RBP3: variants seen among roughly 807,000 people sequenced by gnomAD.
The protein encoded by RBP3 is retinol binding protein 3.
A neutral mutation model predicts 64.8 loss-of-function variants in RBP3; 50 were observed. That is an observed-to-expected ratio of 0.77 (90% CI 0.61 to 0.98). The LOEUF is 0.98. RBP3 is among the 50% of genes least tolerant of loss of function. The probability of loss-of-function intolerance (pLI) is 0.00; values close to 1 mark genes in which losing one functional copy is unlikely to be tolerated. For missense variants in RBP3, 1,712 were observed against 1,660.5 expected, an observed-to-expected ratio of 1.03 and a Z score of -0.54; for synonymous variants, 828 against 730.2, an observed-to-expected ratio of 1.13 and a Z score of -2.16.
At chr10:47,351,960 T>C (rs1477562973) in intron 1 of RBP3, among the ~76,000 whole-genome samples, 1 of 152,140 alleles carries the variant, frequency 6.6e-6, no homozygotes, top group Non-Finnish European at 1.5e-5. Flanking sequence ...GGCCAACACC[T>C]GTCAGAGGTG....
rs570384646 is a variant in RBP3 at position 47,349,448 on chromosome 10, C to G, written c.964C>G (p.Leu322Val). ...GGAGAAAGCCCTGGCCATCCTCACT[C>G]TGCGCAGCGCCCTTCCAGGGGTAGT... The part of the protein sequence containing the change: ...ALEKALAILT[L>V]RSALPGVVHC... Residue 322 changes from leucine to valine, a missense_variant, in exon 1 of 4, where the codon CTG becomes GTG. Physicochemically the swap from Leu to Val is conservative, Grantham distance 32 (BLOSUM62 1). Coordinates refer to ENST00000584701, the MANE Select transcript of RBP3 (RefSeq NM_002900.3). The G allele has an allele frequency of 2.5e-6, 4 of 1,612,372 alleles. No individual in the cohort carries two copies. Among genetic ancestry groups the G allele is most frequent in the Admixed American group, 1.7e-5 (1 of 60,002 alleles).
In RBP3 at chr10:47,355,657, G is replaced by A. The variant is rs1555211936; in HGVS notation, c.3388+139G>A. ...CCTAGTCCAGGCACTAGATGTGCAT[G>A]ATCTCGAATCCCTGAAAAGCATGTA... On this transcript the variant is annotated intron_variant, in intron 3 of 3. Coordinates refer to ENST00000584701, the MANE Select transcript of RBP3 (RefSeq NM_002900.3). The A allele has an allele frequency of 3.7e-6, 4 of 1,089,742 alleles. No homozygotes were observed. The Admixed American group carries it at 6.0e-5, about 16-fold the overall frequency. The allele number at this position is 1,089,742 out of a possible 1,614,324, so 67.5% of individuals were successfully genotyped here. A position where few individuals can be genotyped will look rare whatever the true frequency, so the allele number is the denominator to read the frequency against.
In RBP3 at chr10:47,357,580, GT is replaced by G; in HGVS notation, c.*125del. 1.3e-6 allele frequency: 1 copy of G among 750,558 alleles called. No individual in the cohort carries two copies. Among genetic ancestry groups the G allele is most frequent in the Non-Finnish European group, 2.2e-6 (1 of 452,572 alleles). 46.5% of individuals were successfully genotyped at this position (750,558 alleles called of 1,614,324 possible). ...CAGCAAAGGGGCCTGCTGAGCTCTG[GT>G]TAGGTTACAGCTGGAGGTGTGTATA... On this transcript the variant is annotated 3_prime_UTR_variant, in exon 4 of 4. Transcript: ENST00000584701.
At chr10:47,354,779 T>C (rs1040611242) in intron 2 of RBP3, among the ~76,000 whole-genome samples, 1 of 152,108 alleles carries the variant, frequency 6.6e-6, no homozygotes, top group Non-Finnish European at 1.5e-5. Context: ...CGAGGCTCCT[T>C]AACACATCAC....
Position 47,351,194 on chromosome 10 carries a change from G to A in RBP3, c.2710G>A (p.Gly904Ser), listed in dbSNP as rs1555211531. 4 of 1,613,288 alleles carry A rather than the reference G, an allele frequency of 2.5e-6. No homozygotes were observed. The highest frequency in any genetic ancestry group is 2.5e-6 in the Non-Finnish European group (3 of 1,180,028). Residue 904 changes from glycine to serine, a missense_variant, in exon 1 of 4, where the codon GGC becomes AGC. By Grantham distance (56) the Gly-to-Ser change is moderately conservative. Coordinates refer to ENST00000584701, the MANE Select transcript of RBP3 (RefSeq NM_002900.3). ...CCAGATGGCCATGAGTGCCACCACA[G>A]GCAAGGCCTGGGACCTGGCTGGTGT... ...PTQMAMSATT[G>S]KAWDLAGVEP...
chr10:47,354,051 A>T (rs1837016684), intron 2 of RBP3, among the ~76,000 whole-genome samples: 1 of 152,220 alleles, frequency 6.6e-6, no homozygotes, highest in African/African-American at 2.4e-5. Context: ...ACACAGGGAA[A>T]ATTTAGAAGT....
In RBP3 at chr10:47,350,293, C is replaced by G; in HGVS notation, c.1809C>G (p.Gly603=). The part of the protein sequence containing the change: ...VPVLTFIDNH[G]EAWLGGGVVP... ...TCCTCACCTTCATCGACAATCACGGCGAGGCCTGGCTGGGTGGTGGAGTGG... is the reference window on the plus strand; with the variant it reads ...TCCTCACCTTCATCGACAATCACGGGGAGGCCTGGCTGGGTGGTGGAGTGG... The change falls in exon 1 of 4, where the codon GGC becomes GGG. Residue 603 remains glycine, a synonymous_variant. Transcript: ENST00000584701. 13 of 1,609,234 alleles carry G rather than the reference C, an allele frequency of 8.1e-6. No homozygotes were observed. The highest frequency in any genetic ancestry group is 1.1e-5 in the Non-Finnish European group (13 of 1,179,910).
rs1190641007 is a variant in RBP3 at position 47,351,032 on chromosome 10, T to C, written c.2548T>C (p.Ser850Pro). 1 of 1,610,818 alleles carries C rather than the reference T, an allele frequency of 6.2e-7. No individual in the cohort carries two copies. Among genetic ancestry groups the C allele is most frequent in the Non-Finnish European group, 8.5e-7 (1 of 1,179,860 alleles). Residue 850 changes from serine to proline, a missense_variant, in exon 1 of 4, where the codon TCT becomes CCT. By Grantham distance (74) the Ser-to-Pro change is moderately conservative. Coordinates refer to ENST00000584701, the MANE Select transcript of RBP3 (RefSeq NM_002900.3). Reference protein sequence around the residue: ...LYILMSHTSGSAAEAFAHTMQ... With the variant: ...LYILMSHTSGPAAEAFAHTMQ... ...CATCCTGATGAGCCACACCAGTGGC[T>C]CTGCGGCCGAGGCCTTTGCACACAC...
chr10:47,349,734 A>C lies in RBP3; in HGVS notation c.1250A>C (p.Glu417Ala). Residue 417 changes from glutamate to alanine, a missense_variant, in exon 1 of 4, where the codon GAG becomes GCG. Transcript: ENST00000584701. ...DSPGVAPELP[E>A]DEAIRQALVD... The stretch of plus-strand genomic sequence containing the variant: ...CCAGGGGTGGCCCCAGAGTTGCCTG[A>C]GGACGAGGCTATCCGGCAAGCACTG... 6.2e-7 allele frequency: 1 copy of C among 1,612,506 alleles called. No homozygotes were observed. Among genetic ancestry groups the C allele is most frequent in the Non-Finnish European group, 8.5e-7 (1 of 1,180,014 alleles).
rs782148712 is a variant in RBP3 at position 47,353,316 on chromosome 10, C to A, written c.3055-9C>A. On this transcript the variant is annotated splice_polypyrimidine_tract_variant and intron_variant, in intron 1 of 3. Coordinates refer to ENST00000584701, the MANE Select transcript of RBP3 (RefSeq NM_002900.3). Reference sequence around the variant, plus strand: ...TCCTGACACTGAGTAGGACCTCCAACTCTTACAGATCCCTTCCCCTGAAGT... The same window carrying A: ...TCCTGACACTGAGTAGGACCTCCAAATCTTACAGATCCCTTCCCCTGAAGT... 2 of 1,613,902 alleles carry A rather than the reference C, an allele frequency of 1.2e-6. No individual in the cohort carries two copies. The highest frequency in any genetic ancestry group is 4.5e-5 in the East Asian group (2 of 44,876).
rs1555210949 is a variant in RBP3 at position 47,349,031 on chromosome 10, A to T, written c.547A>T (p.Ile183Phe). The T allele has an allele frequency of 6.2e-7, 1 of 1,613,942 alleles. No homozygotes were observed. Among genetic ancestry groups the T allele is most frequent in the South Asian group, 1.1e-5 (1 of 91,080 alleles). The stretch of plus-strand genomic sequence containing the variant: ...AGGCCAGGTCTCTGGCATTCCCTAC[A>T]TCATCTCCTACCTGCACCCAGGGAA... ...TGGQVSGIPYIISYLHPGNTI... is the reference protein window; with the variant it reads ...TGGQVSGIPYFISYLHPGNTI... The change falls in exon 1 of 4, where the codon ATC (isoleucine) becomes TTC (phenylalanine). Residue 183 changes from isoleucine to phenylalanine, a missense_variant. Ile to Phe is a conservative substitution (Grantham distance 21). Transcript: ENST00000584701.
chr10:47,350,167 G>A lies in RBP3; in HGVS notation c.1683G>A (p.Trp561Ter). 3.1e-6 allele frequency: 5 copies of A among 1,612,360 alleles called. No homozygotes were observed. Among genetic ancestry groups the A allele is most frequent in the Non-Finnish European group, 4.2e-6 (5 of 1,179,998 alleles). ...CCTTCCTTATGCAGTCGCTGGGCTGGGCCACACTGGTAGGTGAGATCACCG... is the reference window on the plus strand; with the variant it reads ...CCTTCCTTATGCAGTCGCTGGGCTGAGCCACACTGGTAGGTGAGATCACCG... ...EFAFLMQSLG[W>*]ATLVGEITAG... The change falls in exon 1 of 4, where the codon TGG becomes TGA. Residue 561 changes from tryptophan to a stop codon, truncating the protein, a stop_gained. Transcript: ENST00000584701. LOFTEE classifies it high-confidence loss of function.
chr10:47,348,426 G>A lies in RBP3; in HGVS notation c.-59G>A, dbSNP rs1482551584. On this transcript the variant is annotated 5_prime_UTR_variant, in exon 1 of 4. Coordinates refer to ENST00000584701, the MANE Select transcript of RBP3 (RefSeq NM_002900.3). Reference sequence around the variant, plus strand: ...AGGCAGCTGCACAGAGCAGGGCCACGGCCTTGCACACAGTCCAGGGAGCTT... The same window carrying A: ...AGGCAGCTGCACAGAGCAGGGCCACAGCCTTGCACACAGTCCAGGGAGCTT... 3 of 1,572,006 alleles carry A rather than the reference G, an allele frequency of 1.9e-6. No homozygotes were observed. The highest frequency in any genetic ancestry group is 2.3e-5 in the South Asian group (2 of 87,960).
rs1051660041 is a variant in RBP3 at position 47,352,004 on chromosome 10, C to T, written c.3054+466C>T. On this transcript the variant is annotated intron_variant, in intron 1 of 3. Coordinates refer to ENST00000584701, the MANE Select transcript of RBP3 (RefSeq NM_002900.3). ...ACTTCACCAAGTGCCCCACGCTGGCCGAGAGCTCCACCTAGGCAGCACTCA... is the reference window on the plus strand; with the variant it reads ...ACTTCACCAAGTGCCCCACGCTGGCTGAGAGCTCCACCTAGGCAGCACTCA... Among the ~76,000 whole-genome samples, 39 of 152,166 alleles carry T rather than the reference C, an allele frequency of 2.6e-4. 1 individual carries two copies. Among genetic ancestry groups the T allele is most frequent in the African/African-American group, 2.4e-5 (1 of 41,436 alleles).
Position 47,350,161 on chromosome 10 carries a change from G to T in RBP3, c.1677G>T (p.Leu559=), listed in dbSNP as rs916823294. The change falls in exon 1 of 4, where the codon CTG becomes CTT. Residue 559 remains leucine, a synonymous_variant. Coordinates refer to ENST00000584701, the MANE Select transcript of RBP3 (RefSeq NM_002900.3). ...AGTTCGCCTTCCTTATGCAGTCGCT[G>T]GGCTGGGCCACACTGGTAGGTGAGA... ...AEEFAFLMQS[L]GWATLVGEIT... is the part of the protein sequence containing the mutation. 2.5e-6 allele frequency: 4 copies of T among 1,612,524 alleles called. No homozygotes were observed. The Admixed American group carries it at 5.0e-5, about 20-fold the overall frequency.
Position 47,349,475 on chromosome 10 carries a change from C to G in RBP3, c.991C>G (p.His331Asp), listed in dbSNP as rs1836915648. ...GCGCAGCGCCCTTCCAGGGGTAGTC[C>G]ACTGCCTCCAGGAGGTCCTGAAGGA... ...TLRSALPGVV[H>D]CLQEVLKDYY... The change falls in exon 1 of 4, where the codon CAC becomes GAC. Residue 331 changes from histidine to aspartate, a missense_variant. Physicochemically the swap from His to Asp is moderately conservative, Grantham distance 81. Coordinates refer to ENST00000584701, the MANE Select transcript of RBP3 (RefSeq NM_002900.3). 2.8e-5 allele frequency: 45 copies of G among 1,612,846 alleles called. No homozygotes were observed. The highest frequency in any genetic ancestry group is 3.8e-5 in the Non-Finnish European group (45 of 1,180,006).
intron 1 of RBP3, 67 bp downstream of exon 1, chr10:47,351,605 C>T (rs1836975732): frequency 6.4e-7 from 1 of 1,570,610 alleles, no homozygotes; most frequent in Non-Finnish European, 8.8e-7. Context: ...TCCGCACATG[C>T]AGGGCTCTGT....
rs782193283 is a variant in RBP3, at chr10:47,350,418, A to C, written c.1934A>C (p.His645Pro). 2.5e-6 allele frequency: 4 copies of C among 1,612,188 alleles called. No homozygotes were observed. The highest frequency in any genetic ancestry group is 3.4e-6 in the Non-Finnish European group (4 of 1,179,772). The change falls in exon 1 of 4, where the codon CAC becomes CCC. Residue 645 changes from histidine (H) to proline (P), a missense_variant. Transcript: ENST00000584701. Reference sequence around the variant, plus strand: ...GGGGCCTTGGTGGAGGGCACAGGGCACCTGCTGGAGGCCCACTATGCTCGG... The same window carrying C: ...GGGGCCTTGGTGGAGGGCACAGGGCCCCTGCTGGAGGCCCACTATGCTCGG... Reference protein sequence around the residue: ...SLGALVEGTGHLLEAHYARPE... With the variant: ...SLGALVEGTGPLLEAHYARPE...
Position 47,349,305 on chromosome 10 carries a change from C to T in RBP3, c.821C>T (p.Ser274Phe). 3 of 1,612,840 alleles carry T rather than the reference C, an allele frequency of 1.9e-6. No homozygotes were observed. The South Asian group carries it at 3.3e-5, about 18-fold the overall frequency. The change falls in exon 1 of 4, where the codon TCT becomes TTT. Residue 274 changes from serine to phenylalanine, a missense_variant. Coordinates refer to ENST00000584701, the MANE Select transcript of RBP3 (RefSeq NM_002900.3). ...CTCCGGAAGCTGAGGATAGGCGAGT[C>T]TGACTTCTTCTTCACGGTGCCCGTG... ...LDLRKLRIGE[S>F]DFFFTVPVSR...
Sources: gnomAD v4.1 joint callset for allele counts (sites outside exome capture counted in the v4.1 genomes callset) on GRCh38, gnomAD v4.1.1 for gene constraint, MANE v1.5 for transcripts, NCBI Gene and HGNC (gene_info 2026-07-23, HGNC 2026-07-21) for gene names.